Variants in ZNF808 observed in about 807,000 individuals in gnomAD.
ZNF808 encodes zinc finger protein 808.
A neutral mutation model predicts 8.7 loss-of-function variants in ZNF808; 5 were observed. That is an observed-to-expected ratio of 0.58 (90% confidence interval 0.30 to 1.21). The LOEUF is 1.21. ZNF808 is among the 50% of genes most tolerant of loss of function. The pLI, the probability that ZNF808 is intolerant of heterozygous loss-of-function variation, is 0.07. For missense variants in ZNF808, 1,103 were observed against 1,098.4 expected, an observed-to-expected ratio of 1.00 and a Z score of -0.06; for synonymous variants, 380 against 366.0, an observed-to-expected ratio of 1.04 and a Z score of -0.44.
intron 2 of ZNF808, among the ~76,000 whole-genome samples, chr19:52,537,853 A>G (rs1051032626): frequency 2.6e-5 from 4 of 152,120 alleles, no homozygotes; most frequent in African/African-American, 7.2e-5. Flanking sequence ...TGAGCCATGT[A>G]TGTTCTATAA....
chr19:52,539,888 A>G (rs545012504), intron 2 of ZNF808, among the ~76,000 whole-genome samples: 8 of 151,708 alleles, frequency 5.3e-5, no homozygotes, highest in Non-Finnish European at 4.4e-5. Flanking sequence ...ACTGTTTCCC[A>G]GGCTGGAGTG....
At position 52,554,887 on chromosome 19, in the gene ZNF808, GA is replaced by G. The variant is rs779707803; in HGVS notation, c.1973del (p.Lys658ArgfsTer47). The G allele has an allele frequency of 1.9e-6, 3 of 1,614,138 alleles. No homozygotes were observed. Among genetic ancestry groups the G allele is most frequent in the Middle Eastern group, 1.7e-4 (1 of 6,060 alleles). On this transcript the variant is annotated frameshift_variant, in exon 5 of 5. Coordinates refer to ENST00000359798, the MANE Select transcript of ZNF808 (RefSeq NM_001039886.4). LOFTEE classifies it low-confidence loss of function (END_TRUNC). Reference sequence around the variant, plus strand: ...AAACTTACAAGTGTAATGAGTGTGGGAAGACCTTCAGTTACAAGTCATCACT... The same window carrying G: ...AAACTTACAAGTGTAATGAGTGTGGGAGACCTTCAGTTACAAGTCATCACT... ...EKTYKCNECG[K>X]TFSYKSSLVW...
chr19:52,548,246 T>C (rs2059742598), intron 4 of ZNF808, among the ~76,000 whole-genome samples: 1 of 152,196 alleles, frequency 6.6e-6, no homozygotes, highest in African/African-American at 2.4e-5. Flanking sequence ...CACCAATATG[T>C]GTCACTGTTC....
At chr19:52,568,543 T>G (rs768581392), downstream of ZNF808, among the ~76,000 whole-genome samples, 69 of 152,170 alleles carry the variant, frequency 4.5e-4, no homozygotes, top group Non-Finnish European at 7.8e-4. Flanking sequence ...TTGAAGTGTA[T>G]CACTCCATCA....
chr19:52,529,799 T>C (rs429367), intron 1 of ZNF808, among the ~76,000 whole-genome samples: 50,264 of 151,696 alleles, frequency 0.33, 9,272 homozygotes, highest in East Asian at 0.5. Flanking sequence ...CCTCTAACTG[T>C]AGCCTCTACC....
intron 2 of ZNF808, among the ~76,000 whole-genome samples, chr19:52,539,276 C>G (rs1303255825): frequency 6.8e-6 from 1 of 148,040 alleles, no homozygotes; most frequent in East Asian, 2.0e-4. Context: ...TCACTGCAAC[C>G]TCTGCCTCCT....
At chr19:52,537,679 C>A (rs1175133762) in intron 2 of ZNF808, among the ~76,000 whole-genome samples, 11 of 141,496 alleles carry the variant, frequency 7.8e-5, no homozygotes, top group African/African-American at 3.0e-4. Flanking sequence ...AAGAGCAAGA[C>A]CCTGTCTCAA....
chr19:52,554,925 G>A lies in ZNF808; in HGVS notation c.2009G>A (p.Arg670His), dbSNP rs779021107. 8 of 1,614,046 alleles carry A rather than the reference G, an allele frequency of 5.0e-6. No homozygotes were observed. The highest frequency in any genetic ancestry group is 2.2e-5 in the South Asian group (2 of 91,082). Residue 670 changes from arginine (R) to histidine (H), a missense_variant, in exon 5 of 5, where the codon CGT becomes CAT. Coordinates refer to ENST00000359798, the MANE Select transcript of ZNF808 (RefSeq NM_001039886.4). ...FSYKSSLVWHRRLHGGEKSYK... is the reference protein window; with the variant it reads ...FSYKSSLVWHHRLHGGEKSYK... ...TACAAGTCATCACTTGTATGGCATC[G>A]TAGACTTCATGGTGGAGAGAAATCT...
chr19:52,547,439 C>T, intron 3 of ZNF808, 73 bp from the exon 4 acceptor site: 9 of 1,603,338 alleles, frequency 5.6e-6, no homozygotes, highest in South Asian at 1.1e-5. Context: ...CTTATTTTCC[C>T]TTTTCTCATT....
intron 1 of ZNF808, among the ~76,000 whole-genome samples, chr19:52,528,810 G>T (rs993524034): frequency 1.3e-5 from 2 of 152,104 alleles, no homozygotes; most frequent in African/African-American, 4.8e-5. Flanking sequence ...CAGAGGAGGC[G>T]CAGAGATGGG....
chr19:52,539,517 T>C, intron 2 of ZNF808, among the ~76,000 whole-genome samples: 1 of 150,794 alleles, frequency 6.6e-6, no homozygotes, highest in Non-Finnish European at 1.5e-5. Context: ...TTTTTAATTT[T>C]AGTTTTAATT....
chr19:52,558,004 C>T (rs1246019460), downstream of ZNF808, among the ~76,000 whole-genome samples: 1 of 120,660 alleles, frequency 8.3e-6, no homozygotes, highest in African/African-American at 3.1e-5. Context: ...ATGGAGTGCG[C>T]GTCTAGGTGT....
At chr19:52,561,239 T>TATATATATATAC (rs1422204520), downstream of ZNF808, among the ~76,000 whole-genome samples, 1 of 133,470 alleles carries the variant, frequency 7.5e-6, no homozygotes, top group African/African-American at 2.9e-5. Context: ...TATATATATA[T>TATATATATATAC]ACACTTTTTT....
rs2059807382 is a variant in ZNF808 at position 52,554,122 on chromosome 19, T to C, written c.1206T>C (p.Asn402=). 10 of 1,614,190 alleles carry C rather than the reference T, an allele frequency of 6.2e-6. No individual in the cohort carries two copies. The highest frequency in any genetic ancestry group is 8.5e-6 in the Non-Finnish European group (10 of 1,180,032). Residue 402 remains asparagine, a synonymous_variant, in exon 5 of 5, where the codon AAT becomes AAC. Transcript: ENST00000359798. ...GTGGAGAGAAAACATACAAGTGTAATGAGTGTGGTAAGGCTTTTAATCATC... is the reference window on the plus strand; with the variant it reads ...GTGGAGAGAAAACATACAAGTGTAACGAGTGTGGTAAGGCTTTTAATCATC... ...IHSGEKTYKC[N]ECGKAFNHQS... is the part of the protein sequence containing the mutation.
At chr19:52,542,487 T>TTATA (rs1179757746) in intron 2 of ZNF808, among the ~76,000 whole-genome samples, 2 of 69,346 alleles carry the variant, frequency 2.9e-5, no homozygotes, top group Middle Eastern at 8.9e-3. Context: ...AGCCTTTCTT[T>TTATA]CCTAGGTCCT....
chr19:52,562,727 A>T (rs890308688), intron 3 of ZNF808, among the ~76,000 whole-genome samples: 1 of 152,204 alleles, frequency 6.6e-6, no homozygotes, highest in Non-Finnish European at 1.5e-5. Context: ...TGGCTGTTAT[A>T]TAACTGTAGT....
chr19:52,550,693 G>T lies in ZNF808; in HGVS notation c.191-2414G>T, dbSNP rs183772093. ...CCTGGCACAAGCCTGGCTAATTTTT[G>T]TATTTTTAGGAGAGATGGGGTTTCT... is the stretch of plus-strand genomic sequence containing the variant. On this transcript the variant is annotated intron_variant, in intron 4 of 4. Transcript: ENST00000359798. 3.4e-4 allele frequency among the ~76,000 whole-genome samples: 52 copies of T among 152,206 alleles called. No homozygotes were observed. The East Asian group carries it at 8.7e-3, about 25-fold the overall frequency.
chr19:52,535,228 G>T (rs1424640174), intron 2 of ZNF808, among the ~76,000 whole-genome samples: 1 of 147,806 alleles, frequency 6.8e-6, no homozygotes, highest in South Asian at 2.1e-4. Flanking sequence ...TTACTCCAAA[G>T]GCTGAGGCAG....
At chr19:52,537,972 G>C (rs2059629534) in intron 2 of ZNF808, among the ~76,000 whole-genome samples, 1 of 132,362 alleles carries the variant, frequency 7.6e-6, no homozygotes, top group Non-Finnish European at 1.6e-5. Context: ...GTAGGAAGTG[G>C]TGGGAAAAAA....
Sources: gnomAD v4.1 joint callset for allele counts (sites outside exome capture counted in the v4.1 genomes callset) on GRCh38, gnomAD v4.1.1 for gene constraint, MANE v1.5 for transcripts, NCBI Gene and HGNC (gene_info 2026-07-23, HGNC 2026-07-21) for gene names.